PNRC1: variants seen among roughly 807,000 people sequenced by gnomAD.
PNRC1 encodes proline-rich nuclear receptor coactivator 1.
Under a neutral mutation model 20.2 loss-of-function variants are expected in PNRC1, and 6 were observed. The ratio of observed to expected loss-of-function variants is 0.30; its 90% CI spans 0.16 to 0.59. The LOEUF is 0.59. PNRC1 is among the 20% of genes least tolerant of loss of function. The probability of loss-of-function intolerance (pLI) is 0.89; values close to 1 mark genes in which losing one functional copy is unlikely to be tolerated. For missense variants in PNRC1, 488 were observed against 430.2 expected, an observed-to-expected ratio of 1.13 and a Z score of -1.19; for synonymous variants, 202 against 186.9, an observed-to-expected ratio of 1.08 and a Z score of -0.66.
At chr6:89,082,807 A>G (rs950429840) in intron 1 of PNRC1, 1 of 152,124 alleles carries the variant, frequency 6.6e-6, no homozygotes, top group Non-Finnish European at 1.5e-5. Flanking sequence ...TGTTTCTGGC[A>G]CTCGTATTTG....
chr6:89,081,460 G>C (rs1221591697), intron 1 of PNRC1, 26 bp downstream of exon 1: 6 of 1,280,380 alleles, frequency 4.7e-6, no homozygotes, highest in Non-Finnish European at 5.9e-6. Flanking sequence ...GGCCGTTGGG[G>C]AGTCGGGCCC....
Position 89,081,349 on chromosome 6 carries a change from C to T in PNRC1, c.455C>T (p.Ala152Val), listed in dbSNP as rs2231273. 12,428 of 1,445,408 alleles carry T rather than the reference C, an allele frequency of 8.6e-3. 61 individuals carry two copies. The highest frequency in any genetic ancestry group is 9.6e-3 in the Non-Finnish European group (10,703 of 1,109,846). 89.5% of individuals were successfully genotyped at this position (1,445,408 alleles called of 1,614,324 possible). ...GCCGCCGCCTTGGCCCCGAGTCCTGCAGCCGCAGCCGGCACGGAGGGAGCC... is the reference window on the plus strand; with the variant it reads ...GCCGCCGCCTTGGCCCCGAGTCCTGTAGCCGCAGCCGGCACGGAGGGAGCC... ...GPAAALAPSP[A>V]AAAGTEGASP... The change falls in exon 1 of 2, where the codon GCA becomes GTA. Residue 152 changes from alanine (A) to valine (V), a missense_variant. By Grantham distance (64) the Ala-to-Val change is moderately conservative. Transcript: ENST00000336032.
Position 89,081,270 on chromosome 6 carries a change from G to A in PNRC1, c.376G>A (p.Gly126Ser). Residue 126 changes from glycine (G) to serine (S), a missense_variant, in exon 1 of 2, where the codon GGC becomes AGC. Transcript: ENST00000336032. ...QYQQHRPSLE[G>S]GRSPATGPSG... ...CCAGCAGCACCGGCCGAGTCTGGAG[G>A]GCGGCCGGAGCCCCGCGACCGGCCC... 6.5e-7 allele frequency: 1 copy of A among 1,528,712 alleles called. No homozygotes were observed. The highest frequency in any genetic ancestry group is 8.7e-7 in the Non-Finnish European group (1 of 1,147,246). The allele number at this position is 1,528,712 out of a possible 1,614,324, so 94.7% of individuals were successfully genotyped here.
At chr6:89,082,093 G>C (rs1303723120) in intron 1 of PNRC1, 2 of 152,312 alleles carry the variant, frequency 1.3e-5, no homozygotes, top group Non-Finnish European at 2.9e-5. Flanking sequence ...TCCAAGTTAA[G>C]AGTTGGCAGG....
At position 89,084,168 on chromosome 6, in the gene PNRC1, T is replaced by TA. The variant is rs1260172600; in HGVS notation, c.961dup (p.Thr321AsnfsTer19). 1.9e-6 allele frequency: 3 copies of TA among 1,584,780 alleles called. No homozygotes were observed. The highest frequency in any genetic ancestry group is 2.6e-6 in the Non-Finnish European group (3 of 1,170,178). ...AACAGGGAGCTGATGGCAGTACACT[T>TA]AAAAACGCTCCTCAAAGTTCAAACT... On this transcript the variant is annotated frameshift_variant, in exon 2 of 2. Coordinates refer to ENST00000336032, the MANE Select transcript of PNRC1 (RefSeq NM_006813.3). LOFTEE classifies it high-confidence loss of function.
chr6:89,083,132 C>T (rs946336086), intron 1 of PNRC1, among the ~76,000 whole-genome samples: 1 of 152,134 alleles, frequency 6.6e-6, no homozygotes, highest in African/African-American at 2.4e-5. Flanking sequence ...AGCCAGCCTC[C>T]CGAGGCGCGT....
intron 1 of PNRC1, chr6:89,081,889 C>G (rs1180245419): frequency 6.6e-6 from 1 of 152,534 alleles, no homozygotes; most frequent in East Asian, 1.9e-4. Flanking sequence ...TTTCGGCCTC[C>G]CGGCTATCGG....
chr6:89,083,005 G>GTTTT (rs58319898), intron 1 of PNRC1, among the ~76,000 whole-genome samples: 1 of 149,394 alleles, frequency 6.7e-6, no homozygotes, highest in African/African-American at 2.5e-5. Context: ...GTTTTTTGTT[G>GTTTT]TTTTTTTTTT....
At chr6:89,081,623 G>A (rs1051417511) in intron 1 of PNRC1, among the ~76,000 whole-genome samples, 189 bp downstream of exon 1, 6 of 152,072 alleles carry the variant, frequency 3.9e-5, no homozygotes, top group Non-Finnish European at 8.8e-5. Flanking sequence ...GGGGGAAGGG[G>A]AGGCATGCGC....
At chr6:89,082,400 G>A (rs1049601189) in intron 1 of PNRC1, 27 of 152,140 alleles carry the variant, frequency 1.8e-4, no homozygotes, top group African/African-American at 6.5e-4. Context: ...AGAGATTTGC[G>A]GTTTATCTGT....
intron 1 of PNRC1, among the ~76,000 whole-genome samples, chr6:89,083,108 A>G (rs1201694300): frequency 1.3e-5 from 2 of 151,968 alleles, no homozygotes. Context: ...CCCAGGCTGA[A>G]GGGATCCCGC....
At position 89,085,114 on chromosome 6, in the gene PNRC1, CAG is replaced by C. The variant is rs1768090159; in HGVS notation, c.*920_*921del. 6.6e-6 allele frequency: 1 copy of C among 151,834 alleles called. No individual in the cohort carries two copies. The highest frequency in any genetic ancestry group is 2.4e-5 in the African/African-American group (1 of 41,230). The allele number at this position is 151,834 out of a possible 1,614,324, so 9.4% of individuals were successfully genotyped here. ...GGCCACTGCACTCCAGCCTGGGTAA[CAG>C]ACGCTGTCTCAAAAAAAAGGCCAAG... On this transcript the variant is annotated 3_prime_UTR_variant, in exon 2 of 2. Coordinates refer to ENST00000336032, the MANE Select transcript of PNRC1 (RefSeq NM_006813.3).
In PNRC1 at chr6:89,084,136, C is replaced by T; in HGVS notation, c.924C>T (p.Ser308=). The stretch of plus-strand genomic sequence containing the variant: ...GGATGGGAAGCACTGTTGAAAATTC[C>T]AACCAAAACAGGGAGCTGATGGCAG... ...SHWMGSTVEN[S]NQNRELMAVH... The change falls in exon 2 of 2, where the codon TCC becomes TCT. Residue 308 remains serine (S), a synonymous_variant. Coordinates refer to ENST00000336032, the MANE Select transcript of PNRC1 (RefSeq NM_006813.3). The T allele has an allele frequency of 6.2e-7, 1 of 1,610,046 alleles. No individual in the cohort carries two copies. The highest frequency in any genetic ancestry group is 8.5e-7 in the Non-Finnish European group (1 of 1,178,932).
chr6:89,083,776 A>C lies in PNRC1; in HGVS notation c.564A>C (p.Lys188Asn). The C allele has an allele frequency of 6.3e-7, 1 of 1,580,702 alleles. No individual in the cohort carries two copies. The highest frequency in any genetic ancestry group is 8.6e-7 in the Non-Finnish European group (1 of 1,168,376). The change falls in exon 2 of 2, where the codon AAA becomes AAC. Residue 188 changes from lysine (K) to asparagine (N), a missense_variant. Transcript: ENST00000336032. ...RKEVLKSKMG[K>N]SEKIALPHGQ... ...AGGTTTTAAAATCAAAGATGGGAAA[A>C]TCGGAGAAAATTGCCCTTCCCCATG...
At chr6:89,082,884 T>A (rs1768032595) in intron 1 of PNRC1, 1 of 152,358 alleles carries the variant, frequency 6.6e-6, no homozygotes, top group Non-Finnish European at 1.5e-5. Flanking sequence ...AGACTTTTTT[T>A]AGTTTGACAT....
intron 1 of PNRC1, among the ~76,000 whole-genome samples, chr6:89,083,092 C>G (rs1331050651): frequency 6.6e-6 from 1 of 151,908 alleles, no homozygotes; most frequent in Non-Finnish European, 1.5e-5. Context: ...ACTGCATCCT[C>G]CCCTTCCCAG....
rs535376924 is a variant in PNRC1 at position 89,081,123 on chromosome 6, G to A, written c.229G>A (p.Ala77Thr). ...GACCCCCCAGCCTCGCGCTCCAGCA[G>A]CTCTGCCCAACCGCAGCCTCGCCGT... is the stretch of plus-strand genomic sequence containing the variant. ...CLTPQPRAPA[A>T]LPNRSLAVAG... The change falls in exon 1 of 2, where the codon GCT (alanine) becomes ACT (threonine). Residue 77 changes from alanine (A) to threonine (T), a missense_variant. Physicochemically the swap from Ala to Thr is moderately conservative, Grantham distance 58. Transcript: ENST00000336032. 6.2e-7 allele frequency: 1 copy of A among 1,607,446 alleles called. No homozygotes were observed. Among genetic ancestry groups the A allele is most frequent in the East Asian group, 2.2e-5 (1 of 44,842 alleles).
In PNRC1 at chr6:89,083,734, T is replaced by C. The variant is rs1338809534; in HGVS notation, c.541-19T>C. ...TTTATCTAGAAACTATATTTACTTTTGTGTTCTTGTCTTTGTAGGTTTTAA... is the reference window on the plus strand; with the variant it reads ...TTTATCTAGAAACTATATTTACTTTCGTGTTCTTGTCTTTGTAGGTTTTAA... On this transcript the variant is annotated intron_variant, in intron 1 of 1. Coordinates refer to ENST00000336032, the MANE Select transcript of PNRC1 (RefSeq NM_006813.3). 6.5e-7 allele frequency: 1 copy of C among 1,536,404 alleles called. No homozygotes were observed. The highest frequency in any genetic ancestry group is 8.8e-7 in the Non-Finnish European group (1 of 1,136,852).
At chr6:89,081,530 TGGGGGCGGGGTGGG>T (rs1389429866) in intron 1 of PNRC1, 96 bp downstream of exon 1, 2 of 6,680 alleles carry the variant, frequency 3.0e-4, no homozygotes, top group Non-Finnish European at 6.0e-4. Flanking sequence ...GTCGGGCGGG[TGGGGGCGGGGTGGG>T]GGGGGCGGCT....
Sources: allele counts gnomAD v4.1 joint callset (sites outside exome capture counted in the v4.1 genomes callset), GRCh38; gene constraint gnomAD v4.1.1; transcripts MANE v1.5; gene names NCBI Gene and HGNC (gene_info 2026-07-23, HGNC 2026-07-21).